PHEX: variants seen among roughly 807,000 people sequenced by gnomAD.
PHEX encodes the protein phosphate regulating endopeptidase X-linked, also known as phosphate-regulating neutral endopeptidase PHEX.
Under a neutral mutation model 68.0 loss-of-function variants are expected in PHEX, and 16 were observed. That is an observed-to-expected ratio of 0.24 (90% CI 0.16 to 0.36). The LOEUF (loss-of-function observed/expected upper bound fraction) is 0.36. Among genes scored for constraint, PHEX ranks in the 10% least tolerant of loss-of-function variants. PHEX has a pLI of 1.00. For missense variants in PHEX, 480 were observed against 575.5 expected (o/e 0.83, Z 1.70); for synonymous variants, 208 against 205.1 (o/e 1.01, Z -0.12).
At chrX:22,083,714 C>A (rs1048727755) in intron 5 of PHEX, among the ~76,000 whole-genome samples, 7 of 111,887 alleles carry the variant, frequency 6.3e-5, no homozygotes, top group African/African-American at 1.6e-4. Context: ...ATTTGTTGAT[C>A]AGTTCTAATA....
chrX:22,104,789 A>C (rs1930602221), intron 9 of PHEX, among the ~76,000 whole-genome samples: 1 of 111,383 alleles, frequency 9.0e-6, no homozygotes, highest in Non-Finnish European at 1.9e-5. Context: ...GAAGGTTGGC[A>C]TCAGGAGGAG....
chrX:22,238,397 C>T (rs755602453), intron 20 of PHEX, among the ~76,000 whole-genome samples: 1 of 111,727 alleles, frequency 9.0e-6, no homozygotes, highest in South Asian at 3.8e-4. Context: ...GAACAGTGCA[C>T]TCCAGCCCAG....
rs189723607 is a variant in PHEX, at chrX:22,234,456, G to A, written c.2070+6845G>A. Among the ~76,000 whole-genome samples the A allele has an allele frequency of 7.4e-3, 806 of 109,611 alleles. 8 individuals carry two copies. The highest frequency in any genetic ancestry group is 0.026 in the African/African-American group (773 of 29,816). On this transcript the variant is annotated intron_variant, in intron 20 of 21. Coordinates refer to ENST00000379374, the MANE Select transcript of PHEX (RefSeq NM_000444.6). ...CTGGGGCTGTTGCCTTTTTTTTTTA[G>A]AGATGCCCTGCCCAGAGAGGTGACA...
chrX:22,146,491 C>T (rs1932701272), intron 12 of PHEX, among the ~76,000 whole-genome samples: 1 of 111,916 alleles, frequency 8.9e-6, no homozygotes, highest in Non-Finnish European at 1.9e-5. Context: ...AGGAATATAA[C>T]TAATTTCAAA....
At chrX:22,179,970 G>T (rs1447676517) in intron 14 of PHEX, among the ~76,000 whole-genome samples, 3 of 106,249 alleles carry the variant, frequency 2.8e-5, no homozygotes, top group Non-Finnish European at 5.8e-5. Flanking sequence ...ATAGCATGTT[G>T]TAGCAACTCT....
chrX:22,149,930 A>G (rs73462658), intron 12 of PHEX, among the ~76,000 whole-genome samples: 10,528 of 111,402 alleles, frequency 0.095, 1,257 homozygotes, highest in African/African-American at 0.32. Flanking sequence ...AATGAGGAAA[A>G]ATGACAGAAT....
intron 11 of PHEX, among the ~76,000 whole-genome samples, chrX:22,123,776 A>G (rs1458671303): frequency 6.4e-5 from 7 of 110,183 alleles, no homozygotes; most frequent in African/African-American, 2.3e-4. Context: ...GGCTCATACA[A>G]GAGTCTCATG....
chrX:22,055,654 C>T (rs111479287), intron 3 of PHEX, among the ~76,000 whole-genome samples: 5,500 of 110,991 alleles, frequency 0.05, 131 homozygotes, highest in African/African-American at 0.095. Context: ...CTCTGCCTCC[C>T]GGGTTCAAGC....
chrX:22,050,442 A>G (rs1444376521), intron 3 of PHEX, among the ~76,000 whole-genome samples: 1 of 109,972 alleles, frequency 9.1e-6, no homozygotes, highest in Non-Finnish European at 1.9e-5. Flanking sequence ...TTAGCCACGC[A>G]TGGTGGAAAT....
intron 12 of PHEX, among the ~76,000 whole-genome samples, chrX:22,150,271 G>C (rs780448117): frequency 1.8e-5 from 2 of 112,329 alleles, no homozygotes; most frequent in Non-Finnish European, 3.8e-5. Flanking sequence ...TAAAAATGCA[G>C]ATTCTTAATA....
intron 11 of PHEX, among the ~76,000 whole-genome samples, chrX:22,118,497 T>C (rs1175156838): frequency 1.8e-5 from 2 of 110,878 alleles, no homozygotes; most frequent in Non-Finnish European, 3.8e-5. Context: ...TGATTCAGAT[T>C]GGTTTAAATG....
At position 22,240,699 on chromosome X, in the gene PHEX, T is replaced by A. The variant is rs372246654; in HGVS notation, c.2071-4634T>A. On this transcript the variant is annotated intron_variant, in intron 20 of 21. Coordinates refer to ENST00000379374, the MANE Select transcript of PHEX (RefSeq NM_000444.6). ...TAATGGTAAAGGGGTCAATGCAGCA[T>A]GAAGAGCTAACTATCCTAAATATAT... 5.4e-3 allele frequency among the ~76,000 whole-genome samples: 602 copies of A among 111,882 alleles called. 3 individuals carry two copies. The highest frequency in any genetic ancestry group is 0.018 in the African/African-American group (566 of 30,790).
intron 9 of PHEX, among the ~76,000 whole-genome samples, chrX:22,105,771 G>A (rs1930655836): frequency 8.9e-6 from 1 of 111,755 alleles, no homozygotes; most frequent in African/African-American, 3.3e-5. Context: ...TATCAAAGAA[G>A]GTATTTTATG....
intron 12 of PHEX, among the ~76,000 whole-genome samples, chrX:22,156,169 C>A (rs1412864021): frequency 9.0e-6 from 1 of 111,141 alleles, no homozygotes; most frequent in African/African-American, 3.3e-5. Context: ...TGGGGGGTTA[C>A]ATATTGTCTT....
At chrX:22,161,670 T>G (rs1933136351) in intron 12 of PHEX, among the ~76,000 whole-genome samples, 1 of 111,859 alleles carries the variant, frequency 8.9e-6, no homozygotes, top group Non-Finnish European at 1.9e-5. Context: ...TTAGGTGGAA[T>G]AGGCTATTGG....
In PHEX at chrX:22,249,326, T is replaced by A. The variant is rs919439703; in HGVS notation, c.*1373T>A. 1 of 102,891 alleles carries A rather than the reference T, an allele frequency of 9.7e-6. No homozygotes were observed. Among genetic ancestry groups the A allele is most frequent in the Admixed American group, 1.1e-4 (1 of 9,314 alleles). The allele number at this position is 102,891 out of a possible 1,213,427, so 8.5% of individuals were successfully genotyped here. On this transcript the variant is annotated 3_prime_UTR_variant, in exon 22 of 22. Transcript: ENST00000379374. Reference sequence around the variant, plus strand: ...CATCCCCCTACTCCCTTTACATTATTCATTAGACATGAGGTGCTGGGTTAA... The same window carrying A: ...CATCCCCCTACTCCCTTTACATTATACATTAGACATGAGGTGCTGGGTTAA...
intron 14 of PHEX, among the ~76,000 whole-genome samples, chrX:22,189,306 G>T (rs1163228443): frequency 8.9e-6 from 1 of 112,440 alleles, no homozygotes; most frequent in Non-Finnish European, 1.9e-5. Context: ...GGGGCTGCTG[G>T]ATCATATGGT....
intron 12 of PHEX, among the ~76,000 whole-genome samples, chrX:22,134,005 G>A (rs939714878): frequency 2.2e-4 from 25 of 111,542 alleles, no homozygotes; most frequent in Non-Finnish European, 4.0e-4. Context: ...ACACCAAAAC[G>A]AAGAAAACCC....
chrX:22,238,863 C>T (rs979385544), intron 20 of PHEX, among the ~76,000 whole-genome samples: 11 of 111,920 alleles, frequency 9.8e-5, no homozygotes, highest in African/African-American at 3.6e-4. Context: ...GCCAGCACAG[C>T]GGTCGAGCTC....
Sources: gnomAD v4.1 joint callset for allele counts (sites outside exome capture counted in the v4.1 genomes callset) on GRCh38, gnomAD v4.1.1 for gene constraint, MANE v1.5 for transcripts, NCBI Gene and HGNC (gene_info 2026-07-23, HGNC 2026-07-21) for gene names.